The following N4BP2L2 variants were observed in gnomAD, a reference collection of about 807,000 sequenced individuals.
N4BP2L2 encodes NEDD4 binding protein 2 like 2.
In N4BP2L2, 50 loss-of-function variants were observed where a neutral mutation model predicts 56.2. That is an observed-to-expected ratio of 0.89 (90% CI 0.71 to 1.13). The LOEUF (loss-of-function observed/expected upper bound fraction) is 1.13. Among genes scored for constraint, N4BP2L2 ranks in the 50% most tolerant of loss-of-function variants. The pLI, the probability that N4BP2L2 is intolerant of heterozygous loss-of-function variation, is 0.00. For synonymous variants in N4BP2L2, 203 were observed against 223.6 expected, an observed-to-expected ratio of 0.91 and a Z score of 0.82; for missense variants, 689 against 693.8, an observed-to-expected ratio of 0.99 and a Z score of 0.08.
chr13:32,515,506 C>T (rs879640905), exon 6 of N4BP2L2: 1 of 152,010 alleles, frequency 6.6e-6, no homozygotes, highest in Admixed American at 6.6e-5. Context: ...TTTATTTGGA[C>T]TCTGTGATGC....
intron 6 of N4BP2L2, among the ~76,000 whole-genome samples, chr13:32,474,427 C>CGTGA (rs2082880761): frequency 1.3e-5 from 2 of 151,870 alleles, no homozygotes; most frequent in African/African-American, 4.8e-5. Flanking sequence ...CAGTGGCTCA[C>CGTGA]GCCTGTAATC....
chr13:32,492,273 A>AATT (rs2087294794), intron 6 of N4BP2L2, among the ~76,000 whole-genome samples: 2 of 72,128 alleles, frequency 2.8e-5, no homozygotes, highest in African/African-American at 1.1e-4. Context: ...AAACACCAAA[A>AATT]TTTTTTTTTT....
At chr13:32,534,870 T>C (rs767811965) in intron 2 of N4BP2L2, among the ~76,000 whole-genome samples, 4 of 152,212 alleles carry the variant, frequency 2.6e-5, no homozygotes, top group South Asian at 2.1e-4. Flanking sequence ...TTTGTACTGC[T>C]TTCTTTACAC....
chr13:32,470,046 G>T (rs2082015048), intron 6 of N4BP2L2, among the ~76,000 whole-genome samples: 1 of 152,206 alleles, frequency 6.6e-6, no homozygotes, highest in Non-Finnish European at 1.5e-5. Context: ...AAGCCAGTCA[G>T]TGAAAGTGAG....
At chr13:32,481,118 CAAAAA>C (rs60854435) in intron 6 of N4BP2L2, among the ~76,000 whole-genome samples, 13 of 20,708 alleles carry the variant, frequency 6.3e-4, no homozygotes, top group Admixed American at 1.8e-3. Context: ...GACTCTGTCT[CAAAAA>C]AAAAAAAAAA....
downstream of N4BP2L2, chr13:32,506,490 C>T (rs1015201544): frequency 6.6e-6 from 1 of 152,148 alleles, no homozygotes; most frequent in East Asian, 1.9e-4. Flanking sequence ...TCCCAGCCAC[C>T]ATGCTAGCTG....
At chr13:32,527,823 G>A (rs2053515064) in intron 2 of N4BP2L2, among the ~76,000 whole-genome samples, 3 of 149,986 alleles carry the variant, frequency 2.0e-5, no homozygotes, top group Middle Eastern at 3.4e-3. Flanking sequence ...CCAGGCTGGA[G>A]TGCAGTGGCA....
At chr13:32,436,000 T>C (rs911960247) in intron 9 of N4BP2L2, among the ~76,000 whole-genome samples, 1 of 152,232 alleles carries the variant, frequency 6.6e-6, no homozygotes, top group South Asian at 2.1e-4. Context: ...GAGAATCTAA[T>C]ATTTAAGTAG....
chr13:32,521,223 G>A (rs1460673903), intron 5 of N4BP2L2, 150 bp downstream of exon 5: 4 of 636,618 alleles, frequency 6.3e-6, no homozygotes, highest in East Asian at 5.6e-5. Flanking sequence ...CAGAGAAGTG[G>A]CCTAGCCAAA....
chr13:32,527,919 G>T (rs1043940567), intron 2 of N4BP2L2, among the ~76,000 whole-genome samples: 2 of 151,802 alleles, frequency 1.3e-5, no homozygotes, highest in African/African-American at 4.8e-5. Context: ...TTACAAGCAT[G>T]TGCCACCATG....
intron 6 of N4BP2L2, among the ~76,000 whole-genome samples, chr13:32,450,524 C>T (rs961353029): frequency 6.6e-6 from 1 of 152,038 alleles, no homozygotes; most frequent in Non-Finnish European, 1.5e-5. Flanking sequence ...CGGGGTTTCA[C>T]TGTGTTAACC....
At chr13:32,442,436 A>C (rs866520182) in exon 7 of N4BP2L2, 2 of 1,609,924 alleles carry the variant, frequency 1.2e-6, no homozygotes, top group Admixed American at 1.7e-5. Flanking sequence ...TGAAAGGCAA[A>C]CCCTTGTGAT....
chr13:32,517,024 A>T, exon 6 of N4BP2L2: 1 of 971,386 alleles, frequency 1.0e-6, no homozygotes, highest in African/African-American at 1.8e-5. Context: ...TCTTATGACC[A>T]TGTTAAGCAA....
intron 6 of N4BP2L2, among the ~76,000 whole-genome samples, chr13:32,457,456 G>C (rs920771301): frequency 2.0e-5 from 3 of 151,986 alleles, no homozygotes; most frequent in African/African-American, 7.3e-5. Flanking sequence ...AAGTCAAAGA[G>C]ACAATTCTGA....
intron 6 of N4BP2L2, among the ~76,000 whole-genome samples, chr13:32,485,583 ACT>A (rs1417851593): frequency 6.6e-6 from 1 of 152,192 alleles, no homozygotes; most frequent in African/African-American, 2.4e-5. Flanking sequence ...AAATGATTAC[ACT>A]CTGTGACCAA....
At position 32,521,400 on chromosome 13, in the gene N4BP2L2, C is replaced by T; in HGVS notation, c.1523G>A (p.Trp508Ter). 1 of 1,612,764 alleles carries T rather than the reference C, an allele frequency of 6.2e-7. No individual in the cohort carries two copies. The highest frequency in any genetic ancestry group is 8.5e-7 in the Non-Finnish European group (1 of 1,179,200). The stretch of plus-strand genomic sequence containing the variant: ...TTCTAATTCTTCAGGATCAAATTTC[C>T]ACCAAGTTTCAGGTTCATGAAACTC... Residue 508 changes from tryptophan (W) to a stop codon, truncating the protein, a stop_gained, in exon 5 of 6, where the codon TGG (tryptophan) becomes TAG (stop). Transcript: ENST00000267068. LOFTEE classifies it high-confidence loss of function.
At chr13:32,471,641 G>A (rs979295053) in intron 6 of N4BP2L2, among the ~76,000 whole-genome samples, 1 of 152,276 alleles carries the variant, frequency 6.6e-6, no homozygotes, top group Non-Finnish European at 1.5e-5. Flanking sequence ...CTGCCTTGTA[G>A]GCCAGGGAAT....
At chr13:32,469,184 G>A (rs974160061) in intron 6 of N4BP2L2, among the ~76,000 whole-genome samples, 6 of 152,178 alleles carry the variant, frequency 3.9e-5, no homozygotes, top group African/African-American at 1.4e-4. Context: ...GACATTTGGT[G>A]TAGTCCTCGG....
exon 6 of N4BP2L2, chr13:32,510,532 C>T (rs1482071828): frequency 1.4e-5 from 2 of 138,644 alleles, no homozygotes; most frequent in African/African-American, 2.7e-5. Context: ...TGGAGTCTCA[C>T]TCTGTTGCTC....
Sources: gnomAD v4.1 joint callset for allele counts (sites outside exome capture counted in the v4.1 genomes callset) on GRCh38, gnomAD v4.1.1 for gene constraint, MANE v1.5 for transcripts, NCBI Gene and HGNC (gene_info 2026-07-23, HGNC 2026-07-21) for gene names.